ASCC1: variants seen among roughly 807,000 people sequenced by gnomAD.
The protein encoded by ASCC1 is ASC-1 complex subunit P50.
Under a neutral mutation model 46.6 loss-of-function variants are expected in ASCC1, and 35 were observed. The ratio of observed to expected loss-of-function variants is 0.75; its 90% CI spans 0.57 to 0.99. ASCC1 has a LOEUF of 0.99. ASCC1 is among the 50% of genes least tolerant of loss of function. The pLI, the probability that ASCC1 is intolerant of heterozygous loss-of-function variation, is 0.00. For missense variants in ASCC1, 376 were observed against 428.7 expected (o/e 0.88, Z 1.09); for synonymous variants, 143 against 146.6 (o/e 0.98, Z 0.18).
At chr10:72,125,950 TTC>T (rs1229910218) in intron 9 of ASCC1, among the ~76,000 whole-genome samples, 2 of 152,232 alleles carry the variant, frequency 1.3e-5, no homozygotes, top group Non-Finnish European at 2.9e-5. Flanking sequence ...CAATAAGTAT[TTC>T]TGTTAGTGTT....
At chr10:72,109,222 C>G (rs943747734) in intron 9 of ASCC1, among the ~76,000 whole-genome samples, 1 of 152,152 alleles carries the variant, frequency 6.6e-6, no homozygotes, top group Non-Finnish European at 1.5e-5. Flanking sequence ...TTATCAACAT[C>G]GTGGCCTCTA....
chr10:72,102,165 G>A (rs1018386485), intron 9 of ASCC1, among the ~76,000 whole-genome samples: 4 of 152,068 alleles, frequency 2.6e-5, no homozygotes, highest in Non-Finnish European at 4.4e-5. Flanking sequence ...ACATAGAAAC[G>A]CCTTGGTGAC....
intron 3 of ASCC1, among the ~76,000 whole-genome samples, chr10:72,207,914 C>T (rs1269879594): frequency 6.6e-6 from 1 of 151,926 alleles, no homozygotes; most frequent in South Asian, 2.1e-4. Flanking sequence ...TGGGCTCCAG[C>T]AATACTCCTG....
chr10:72,109,163 C>T (rs917439231), intron 9 of ASCC1, among the ~76,000 whole-genome samples: 1 of 152,118 alleles, frequency 6.6e-6, no homozygotes, highest in Non-Finnish European at 1.5e-5. Flanking sequence ...CCTGGGGCAC[C>T]TCAGATCCAA....
At chr10:72,133,307 G>T in intron 7 of ASCC1, 126 bp from the exon 8 acceptor site, 1 of 959,356 alleles carries the variant, frequency 1.0e-6, no homozygotes. Flanking sequence ...TGCATCACAG[G>T]AGGAAGAATA....
intron 8 of ASCC1, 129 bp downstream of exon 8, chr10:72,132,928 C>G (rs377614205): frequency 3.9e-5 from 45 of 1,156,348 alleles, no homozygotes; most frequent in East Asian, 3.3e-4. Flanking sequence ...CTATGCTCAT[C>G]AGAATAAGCT....
intron 4 of ASCC1, among the ~76,000 whole-genome samples, chr10:72,199,832 A>T (rs1856242679): frequency 6.6e-6 from 1 of 152,038 alleles, no homozygotes; most frequent in Non-Finnish European, 1.5e-5. Flanking sequence ...TCCCAGATAA[A>T]AAGATCCTCC....
intron 9 of ASCC1, among the ~76,000 whole-genome samples, chr10:72,111,652 T>G (rs1842929543): frequency 6.6e-6 from 1 of 152,176 alleles, no homozygotes; most frequent in Admixed American, 6.5e-5. Flanking sequence ...CAGCATCTTT[T>G]TTTTTTGGAA....
chr10:72,126,903 G>A (rs1035351320), intron 9 of ASCC1, among the ~76,000 whole-genome samples: 5 of 152,168 alleles, frequency 3.3e-5, no homozygotes, highest in Non-Finnish European at 5.9e-5. Context: ...TCAAGGAAAG[G>A]AAGGACTCAG....
At chr10:72,208,531 A>G (rs1363265833) in intron 3 of ASCC1, among the ~76,000 whole-genome samples, 1 of 152,062 alleles carries the variant, frequency 6.6e-6, no homozygotes, top group East Asian at 1.9e-4. Flanking sequence ...AGGCCGAGGC[A>G]GGTGGATCAC....
chr10:72,152,817 G>A, intron 7 of ASCC1, 52 bp downstream of exon 7: 6 of 1,609,334 alleles, frequency 3.7e-6, no homozygotes, highest in Non-Finnish European at 5.1e-6. Context: ...AACTTTTGAG[G>A]ATGCTTTTAG....
chr10:72,210,900 T>C, intron 2 of ASCC1, 69 bp from the exon 3 acceptor site: 1 of 1,437,896 alleles, frequency 7.0e-7, no homozygotes, highest in Non-Finnish European at 9.7e-7. Flanking sequence ...TCGCCTCAGC[T>C]GTCAACCGCT....
At chr10:72,116,657 T>C (rs1298347068) in intron 9 of ASCC1, among the ~76,000 whole-genome samples, 2 of 152,260 alleles carry the variant, frequency 1.3e-5, no homozygotes, top group East Asian at 1.9e-4. Flanking sequence ...TCTTCAGCTA[T>C]GTCTAATTTG....
At chr10:72,135,157 T>C (rs946108213) in intron 7 of ASCC1, among the ~76,000 whole-genome samples, 2 of 151,938 alleles carry the variant, frequency 1.3e-5, no homozygotes, top group Non-Finnish European at 2.9e-5. Context: ...AACCAGGCAA[T>C]AGGGGAAATG....
At chr10:72,133,242 C>G in intron 7 of ASCC1, 61 bp from the exon 8 acceptor site, 2 of 1,548,050 alleles carry the variant, frequency 1.3e-6, no homozygotes, top group Non-Finnish European at 1.8e-6. Context: ...ATGCGATTAC[C>G]AATTCAACAA....
intron 3 of ASCC1, among the ~76,000 whole-genome samples, chr10:72,206,109 CA>C (rs879721509): frequency 7.6e-4 from 83 of 109,036 alleles, no homozygotes; most frequent in Non-Finnish European, 7.4e-4. Context: ...GTCTCAAAAA[CA>C]AAAAAAAAAA....
intron 5 of ASCC1, among the ~76,000 whole-genome samples, chr10:72,170,610 AAAAG>A (rs1422137079): frequency 3.1e-4 from 46 of 150,600 alleles, no homozygotes; most frequent in Middle Eastern, 3.4e-3. Flanking sequence ...AAAAAAAAAA[AAAAG>A]AAAGAAAGGC....
At chr10:72,170,402 A>G (rs1850918217) in intron 5 of ASCC1, among the ~76,000 whole-genome samples, 1 of 152,118 alleles carries the variant, frequency 6.6e-6, no homozygotes, top group African/African-American at 2.4e-5. Context: ...TCATGAGGAA[A>G]TGCCAGACAG....
At chr10:72,138,608 T>C (rs1846564055) in intron 7 of ASCC1, among the ~76,000 whole-genome samples, 1 of 144,206 alleles carries the variant, frequency 6.9e-6, no homozygotes, top group South Asian at 2.3e-4. Context: ...TTCTTTTTTT[T>C]TTTTTTTTTT....
Sources: allele counts gnomAD v4.1 joint callset (sites outside exome capture counted in the v4.1 genomes callset), GRCh38; gene constraint gnomAD v4.1.1; transcripts MANE v1.5; gene names NCBI Gene and HGNC (gene_info 2026-07-23, HGNC 2026-07-21).